The following SRSF10 variants were observed in gnomAD, a reference collection of about 807,000 sequenced individuals.
SRSF10 encodes the protein serine and arginine rich splicing factor 10, also known as serine/arginine-rich splicing factor 10.
In SRSF10, 9 loss-of-function variants were observed where a neutral mutation model predicts 32.6. The ratio of observed to expected loss-of-function variants is 0.28; its 90% CI spans 0.17 to 0.48. The LOEUF (loss-of-function observed/expected upper bound fraction) is 0.48, where lower values mean the gene tolerates loss of function less well. SRSF10 is among the 20% of genes least tolerant of loss of function. The pLI is 0.99. For missense variants in SRSF10, 201 were observed against 331.8 expected (o/e 0.61, Z 3.06); for synonymous variants, 105 against 112.4 (o/e 0.93, Z 0.42).
chr1:23,971,676 A>T (rs1641763930), intron 4 of SRSF10, 50 bp from the exon 5 acceptor site: 2 of 1,582,428 alleles, frequency 1.3e-6, no homozygotes, highest in Non-Finnish European at 1.7e-6. Flanking sequence ...TCATAGAGGC[A>T]AAGTTTCTAA....
Position 23,966,665 on chromosome 1 carries a change from G to A in SRSF10, c.*4477C>T, listed in dbSNP as rs1397465508. 1 of 151,868 alleles carries A rather than the reference G, an allele frequency of 6.6e-6. No homozygotes were observed. The highest frequency in any genetic ancestry group is 1.5e-5 in the Non-Finnish European group (1 of 67,870). 9.4% of individuals were successfully genotyped at this position (151,868 alleles called of 1,614,324 possible). A position where few individuals can be genotyped will look rare whatever the true frequency, so the allele number is the denominator to read the frequency against. On this transcript the variant is annotated 3_prime_UTR_variant, in exon 6 of 6. Coordinates refer to ENST00000492112, the MANE Select transcript of SRSF10 (RefSeq NM_054016.4). Reference sequence around the variant, plus strand: ...TGCAAAGTTAAATACTTATTTTGGGGGTTATATCCTAGCATGTGTTTGGTG... The same window carrying A: ...TGCAAAGTTAAATACTTATTTTGGGAGTTATATCCTAGCATGTGTTTGGTG...
chr1:23,971,076 ATTT>A lies in SRSF10; in HGVS notation c.*63_*65del. 6.6e-7 allele frequency: 1 copy of A among 1,524,390 alleles called. No homozygotes were observed. Among genetic ancestry groups the A allele is most frequent in the South Asian group, 1.3e-5 (1 of 74,662 alleles). 94.4% of individuals were successfully genotyped at this position (1,524,390 alleles called of 1,614,324 possible). A position where few individuals can be genotyped will look rare whatever the true frequency, so the allele number is the denominator to read the frequency against. On this transcript the variant is annotated 3_prime_UTR_variant, in exon 6 of 6. Transcript: ENST00000492112. ...TCATTGCAACATTGTATTCCTGATA[ATTT>A]AAGTAAACCAAACTATGAGTAAATG...
Position 23,965,344 on chromosome 1 carries a change from A to G in SRSF10, c.*5798T>C, listed in dbSNP as rs778841731. ...AAATGCAATACAATGGAAAATCTCTACAAGAGAATGAGATTTGGAAAGCCA... is the reference window on the plus strand; with the variant it reads ...AAATGCAATACAATGGAAAATCTCTGCAAGAGAATGAGATTTGGAAAGCCA... On this transcript the variant is annotated 3_prime_UTR_variant, in exon 6 of 6. Transcript: ENST00000492112. 3 of 152,002 alleles carry G rather than the reference A, an allele frequency of 2.0e-5. No individual in the cohort carries two copies. Among genetic ancestry groups the G allele is most frequent in the Non-Finnish European group, 4.4e-5 (3 of 67,840 alleles). 9.4% of individuals were successfully genotyped at this position (152,002 alleles called of 1,614,324 possible). A position where few individuals can be genotyped will look rare whatever the true frequency, so the allele number is the denominator to read the frequency against.
rs1641708169 is a variant in SRSF10 at position 23,970,736 on chromosome 1, C to T, written c.*406G>A. 1 of 1,008,628 alleles carries T rather than the reference C, an allele frequency of 9.9e-7. No individual in the cohort carries two copies. The highest frequency in any genetic ancestry group is 1.2e-6 in the Non-Finnish European group (1 of 844,942). The allele number at this position is 1,008,628 out of a possible 1,614,324, so 62.5% of individuals were successfully genotyped here. On this transcript the variant is annotated 3_prime_UTR_variant, in exon 6 of 6. Coordinates refer to ENST00000492112, the MANE Select transcript of SRSF10 (RefSeq NM_054016.4). The stretch of plus-strand genomic sequence containing the variant: ...CTGAGCAGTCAGTGTTGTACTGTGG[C>T]TACTACTTCACTTTTGTATCATTCT...
chr1:23,980,187 C>T lies in SRSF10; in HGVS notation c.65+4G>A. The T allele has an allele frequency of 3.9e-6, 6 of 1,532,310 alleles. No homozygotes were observed. Among genetic ancestry groups the T allele is most frequent in the Non-Finnish European group, 5.3e-6 (6 of 1,138,362 alleles). 94.9% of individuals were successfully genotyped at this position (1,532,310 alleles called of 1,614,324 possible). On this transcript the variant is annotated splice_donor_region_variant and intron_variant, in intron 1 of 5. Coordinates refer to ENST00000492112, the MANE Select transcript of SRSF10 (RefSeq NM_054016.4). ...TAGGCCCGGAGTACCTGCCTTGTAC[C>T]TACCTGGTGTCGTCGGCCACGTTCC...
intron 1 of SRSF10, 158 bp from the exon 2 acceptor site, chr1:23,978,975 A>ACTTATTTT (rs1642244250): frequency 2.4e-6 from 1 of 420,750 alleles, no homozygotes; most frequent in Non-Finnish European, 4.1e-6. Flanking sequence ...GTATGGTACA[A>ACTTATTTT]GGGAATGACC....
rs1641715122 is a variant in SRSF10, at chr1:23,970,879, C to G, written c.*263G>C. ...TCAACCAACATCTTTTCACCAAATA[C>G]TTCAAGCATAAAAAATGAGAATCTT... On this transcript the variant is annotated 3_prime_UTR_variant, in exon 6 of 6. Coordinates refer to ENST00000492112, the MANE Select transcript of SRSF10 (RefSeq NM_054016.4). 2 of 1,181,832 alleles carry G rather than the reference C, an allele frequency of 1.7e-6. No homozygotes were observed. Among genetic ancestry groups the G allele is most frequent in the Admixed American group, 4.3e-5 (1 of 23,344 alleles). The allele number at this position is 1,181,832 out of a possible 1,614,324, so 73.2% of individuals were successfully genotyped here.
chr1:23,971,494 C>T, intron 5 of SRSF10, 55 bp from the exon 6 acceptor site: 1 of 1,587,746 alleles, frequency 6.3e-7, no homozygotes, highest in Non-Finnish European at 8.5e-7. Flanking sequence ...CTATATTAAT[C>T]AAATTTGTTA....
intron 2 of SRSF10, chr1:23,975,839 C>G (rs1459435829): frequency 6.6e-6 from 1 of 152,192 alleles, no homozygotes; most frequent in Admixed American, 6.5e-5. Context: ...CAACTTCTTG[C>G]AAAGAAATGG....
chr1:23,966,930 G>T lies in SRSF10; in HGVS notation c.*4212C>A, dbSNP rs1641483000. ...AATAACACACCTCAAACAAAACAAT[G>T]AGGCCATACTGTAATGATTCACTAG... On this transcript the variant is annotated 3_prime_UTR_variant, in exon 6 of 6. Coordinates refer to ENST00000492112, the MANE Select transcript of SRSF10 (RefSeq NM_054016.4). 6.6e-6 allele frequency: 1 copy of T among 151,988 alleles called. No homozygotes were observed. The highest frequency in any genetic ancestry group is 6.6e-5 in the Admixed American group (1 of 15,254). The allele number at this position is 151,988 out of a possible 1,614,324, so 9.4% of individuals were successfully genotyped here.
chr1:23,979,398 T>C (rs1642309323), intron 1 of SRSF10, among the ~76,000 whole-genome samples: 2 of 152,164 alleles, frequency 1.3e-5, no homozygotes, highest in Non-Finnish European at 1.5e-5. Flanking sequence ...CCAAACCACT[T>C]ATTTTCTGTG....
At chr1:23,975,108 T>C (rs2148507344) in intron 2 of SRSF10, 31 bp from the exon 3 acceptor site, 1 of 1,567,702 alleles carries the variant, frequency 6.4e-7, no homozygotes, top group East Asian at 2.2e-5. Flanking sequence ...TGGGAAGTTT[T>C]GCAAACTTTG....
At chr1:23,978,874 G>C in intron 1 of SRSF10, 57 bp from the exon 2 acceptor site, 2 of 1,410,400 alleles carry the variant, frequency 1.4e-6, no homozygotes, top group Non-Finnish European at 1.9e-6. Context: ...AGATGTATAG[G>C]CAATATATCT....
chr1:23,979,157 A>T (rs1224793513), intron 1 of SRSF10, among the ~76,000 whole-genome samples: 1 of 151,228 alleles, frequency 6.6e-6, no homozygotes, highest in Non-Finnish European at 1.5e-5. Context: ...CGACAGATTT[A>T]CACACTTAAC....
At chr1:23,979,867 T>TC (rs1642344978) in intron 1 of SRSF10, among the ~76,000 whole-genome samples, 1 of 141,230 alleles carries the variant, frequency 7.1e-6, no homozygotes. Context: ...TTCAAATCAA[T>TC]GGGGGGCGGC....
chr1:23,977,987 G>A (rs1216066766), intron 2 of SRSF10: 1 of 985,256 alleles, frequency 1.0e-6, no homozygotes, highest in Non-Finnish European at 1.2e-6. Flanking sequence ...CTTGTCAGAA[G>A]GACTTGTCAT....
intron 3 of SRSF10, among the ~76,000 whole-genome samples, chr1:23,973,432 T>G (rs376084131): frequency 1.7e-3 from 266 of 152,280 alleles, no homozygotes; most frequent in African/African-American, 6.2e-3. Flanking sequence ...TGGGCCCAAG[T>G]GATCCTCCTG....
rs1372022489 is a variant in SRSF10, at chr1:23,967,014, G to A, written c.*4128C>T. 1 of 152,076 alleles carries A rather than the reference G, an allele frequency of 6.6e-6. No homozygotes were observed. The highest frequency in any genetic ancestry group is 2.4e-5 in the African/African-American group (1 of 41,428). 9.4% of individuals were successfully genotyped at this position (152,076 alleles called of 1,614,324 possible). On this transcript the variant is annotated 3_prime_UTR_variant, in exon 6 of 6. Transcript: ENST00000492112. ...ATTATCTATTTTTCTCAATTATCCA[G>A]TACAATGATTTGCCCACAGTAAGGG...
rs2148516463 is a variant in SRSF10, at chr1:23,980,298, A to G, written c.-43T>C. 5 of 1,414,596 alleles carry G rather than the reference A, an allele frequency of 3.5e-6. No individual in the cohort carries two copies. The Middle Eastern group carries it at 7.4e-4, about 209-fold the overall frequency. 87.6% of individuals were successfully genotyped at this position (1,414,596 alleles called of 1,614,324 possible). On this transcript the variant is annotated 5_prime_UTR_variant, in exon 1 of 6. Coordinates refer to ENST00000492112, the MANE Select transcript of SRSF10 (RefSeq NM_054016.4). ...GCCGGGCGCACTAACGGGCTCAGCAAACCGTCCGCGGCTCAGGCGGCCGAG... is the reference window on the plus strand; with the variant it reads ...GCCGGGCGCACTAACGGGCTCAGCAGACCGTCCGCGGCTCAGGCGGCCGAG...
Sources: gnomAD v4.1 joint callset for allele counts (sites outside exome capture counted in the v4.1 genomes callset) on GRCh38, gnomAD v4.1.1 for gene constraint, MANE v1.5 for transcripts, NCBI Gene and HGNC (gene_info 2026-07-23, HGNC 2026-07-21) for gene names.